The following RGL1 variants were observed in gnomAD, a reference collection of about 807,000 sequenced individuals.
The protein encoded by RGL1 is ral guanine nucleotide dissociation stimulator like 1, also known as ral guanine nucleotide dissociation stimulator-like 1.
A neutral mutation model predicts 95.2 loss-of-function variants in RGL1; 24 were observed. That is an observed-to-expected ratio of 0.25 (90% CI 0.18 to 0.35). The LOEUF (loss-of-function observed/expected upper bound fraction) is 0.35, where lower values mean the gene tolerates loss of function less well. RGL1 is among the 10% of genes least tolerant of loss of function. RGL1 has a pLI of 1.00. For synonymous variants in RGL1, 329 were observed against 344.9 expected (o/e 0.95, Z 0.51); for missense variants, 715 against 936.3 (o/e 0.76, Z 3.08).
At chr1:183,771,770 T>G (rs1391332673) in intron 2 of RGL1, among the ~76,000 whole-genome samples, 1 of 152,086 alleles carries the variant, frequency 6.6e-6, no homozygotes, top group Non-Finnish European at 1.5e-5. Flanking sequence ...GTGCCTTCAC[T>G]CCTAAATGTT....
chr1:183,768,460 A>ATT (rs1659101577), intron 2 of RGL1, among the ~76,000 whole-genome samples: 1 of 106,680 alleles, frequency 9.4e-6, no homozygotes, highest in Non-Finnish European at 2.0e-5. Context: ...CCTTTAGATA[A>ATT]CTTTTTTTTT....
intron 1 of RGL1, among the ~76,000 whole-genome samples, chr1:183,680,811 C>A (rs1166847724): frequency 1.3e-5 from 2 of 152,112 alleles, no homozygotes; most frequent in East Asian, 3.9e-4. Flanking sequence ...TATCCCTAAG[C>A]ATGGAATGTT....
At chr1:183,675,257 C>T (rs192449164) in intron 1 of RGL1, among the ~76,000 whole-genome samples, 154 of 151,912 alleles carry the variant, frequency 1.0e-3, no homozygotes, top group African/African-American at 3.5e-3. Flanking sequence ...GGCAAAAACC[C>T]TTTTATTTAC....
chr1:183,737,378 A>G (rs1657005043), intron 1 of RGL1, among the ~76,000 whole-genome samples: 3 of 152,226 alleles, frequency 2.0e-5, no homozygotes, highest in Non-Finnish European at 4.4e-5. Flanking sequence ...CCTCCTGTCA[A>G]TGATTATTTT....
At chr1:183,759,715 G>T (rs185655068) in intron 2 of RGL1, among the ~76,000 whole-genome samples, 14 of 152,206 alleles carry the variant, frequency 9.2e-5, no homozygotes, top group African/African-American at 3.4e-4. Flanking sequence ...TTTTCCATTG[G>T]CCCTTGTTGC....
At chr1:183,673,289 T>C (rs951104649) in intron 1 of RGL1, among the ~76,000 whole-genome samples, 5 of 152,250 alleles carry the variant, frequency 3.3e-5, no homozygotes, top group African/African-American at 9.6e-5. Context: ...GTCTCAACTT[T>C]GGGTTCCTGA....
At chr1:183,790,126 A>G (rs1320437520) in intron 2 of RGL1, among the ~76,000 whole-genome samples, 1 of 151,818 alleles carries the variant, frequency 6.6e-6, no homozygotes, top group Non-Finnish European at 1.5e-5. Context: ...GGGTTTCACC[A>G]TGTTGGTCAT....
chr1:183,665,120 T>G (rs1572245983), intron 1 of RGL1, among the ~76,000 whole-genome samples: 1 of 152,172 alleles, frequency 6.6e-6, no homozygotes, highest in African/African-American at 2.4e-5. Flanking sequence ...CAAATGCCTT[T>G]TCCACATTCA....
At chr1:183,685,130 T>C (rs1422217695) in intron 1 of RGL1, among the ~76,000 whole-genome samples, 7 of 152,186 alleles carry the variant, frequency 4.6e-5, no homozygotes, top group Non-Finnish European at 1.0e-4. Flanking sequence ...TGGAGAAATG[T>C]ATACAGTACA....
chr1:183,772,537 T>G (rs370507214), intron 2 of RGL1, among the ~76,000 whole-genome samples: 1 of 152,180 alleles, frequency 6.6e-6, no homozygotes, highest in African/African-American at 2.4e-5. Flanking sequence ...TAGTAGAAAT[T>G]GAAAAACCTT....
intron 1 of RGL1, among the ~76,000 whole-genome samples, chr1:183,805,664 A>G (rs1274206027): frequency 3.3e-5 from 5 of 152,220 alleles, no homozygotes; most frequent in Non-Finnish European, 5.9e-5. Context: ...TTAGCTGGGG[A>G]CATGGAAATC....
chr1:183,746,800 C>T (rs1383731585), intron 2 of RGL1, among the ~76,000 whole-genome samples: 2 of 151,980 alleles, frequency 1.3e-5, no homozygotes, highest in African/African-American at 4.8e-5. Context: ...TCCCCTTGCC[C>T]CCCATCCCCC....
chr1:183,920,380 T>A (rs555083953), intron 16 of RGL1, among the ~76,000 whole-genome samples: 2 of 152,222 alleles, frequency 1.3e-5, no homozygotes, highest in Non-Finnish European at 2.9e-5. Flanking sequence ...AAATGAAATA[T>A]GTGGCTCACA....
intron 2 of RGL1, among the ~76,000 whole-genome samples, chr1:183,845,943 G>T (rs1354408331): frequency 6.6e-6 from 1 of 152,132 alleles, no homozygotes; most frequent in Non-Finnish European, 1.5e-5. Flanking sequence ...TCTCTAGGTT[G>T]CCTGTTCACT....
chr1:183,840,724 T>TA (rs1367177906), intron 2 of RGL1, among the ~76,000 whole-genome samples: 2 of 133,712 alleles, frequency 1.5e-5, no homozygotes, highest in South Asian at 2.4e-4. Context: ...AATAAATAAA[T>TA]AATAAATAAA....
At chr1:183,816,027 G>A (rs368220247) in intron 2 of RGL1, among the ~76,000 whole-genome samples, 1 of 152,142 alleles carries the variant, frequency 6.6e-6, no homozygotes, top group East Asian at 1.9e-4. Flanking sequence ...TTGTACATTT[G>A]AGAGGAAGGA....
intron 5 of RGL1, 149 bp downstream of exon 5, chr1:183,880,949 C>T (rs1666792844): frequency 4.3e-6 from 3 of 692,528 alleles, no homozygotes; most frequent in Non-Finnish European, 2.3e-6. Context: ...GTATAAAATT[C>T]TCAAGATTAC....
intron 9 of RGL1, among the ~76,000 whole-genome samples, chr1:183,893,825 A>G (rs1226205496): frequency 1.3e-5 from 2 of 152,124 alleles, no homozygotes; most frequent in Admixed American, 1.3e-4. Flanking sequence ...CAGGGGCTGT[A>G]TGTATCTTTT....
intron 2 of RGL1, among the ~76,000 whole-genome samples, chr1:183,831,731 C>T (rs1663269926): frequency 6.6e-6 from 1 of 152,050 alleles, no homozygotes; most frequent in East Asian, 1.9e-4. Flanking sequence ...GAAACATATC[C>T]ATTTAATTAA....
Sources: allele counts gnomAD v4.1 joint callset (sites outside exome capture counted in the v4.1 genomes callset), GRCh38; gene constraint gnomAD v4.1.1; transcripts MANE v1.5; gene names NCBI Gene and HGNC (gene_info 2026-07-23, HGNC 2026-07-21).